The following DCC variants were observed in gnomAD, a reference collection of about 807,000 sequenced individuals.
DCC encodes the protein DCC netrin 1 receptor.
Under a neutral mutation model 172.5 loss-of-function variants are expected in DCC, and 58 were observed. That is an observed-to-expected ratio of 0.34 (90% confidence interval 0.27 to 0.42). The LOEUF is 0.42. DCC is among the 10% of genes least tolerant of loss of function. DCC has a pLI of 1.00. For missense variants in DCC, 1,740 were observed against 1,791.0 expected, an observed-to-expected ratio of 0.97 and a Z score of 0.51; for synonymous variants, 709 against 644.5, an observed-to-expected ratio of 1.10 and a Z score of -1.52.
intron 3 of DCC, among the ~76,000 whole-genome samples, chr18:52,920,825 G>C (rs531624555): frequency 6.6e-6 from 1 of 152,102 alleles, no homozygotes; most frequent in East Asian, 1.9e-4. Context: ...CTAGACAATG[G>C]ATTATTACCC....
At chr18:52,464,281 T>C (rs1358089966) in intron 1 of DCC, among the ~76,000 whole-genome samples, 1 of 152,146 alleles carries the variant, frequency 6.6e-6, no homozygotes, top group Non-Finnish European at 1.5e-5. Flanking sequence ...CAGTGGGTAA[T>C]TTATCAAAAG....
chr18:53,226,674 A>G (rs1014325106), intron 12 of DCC, among the ~76,000 whole-genome samples: 1 of 151,882 alleles, frequency 6.6e-6, no homozygotes, highest in Non-Finnish European at 1.5e-5. Context: ...CTCATCCCTC[A>G]AGGGTTGTTG....
intron 15 of DCC, among the ~76,000 whole-genome samples, chr18:53,372,300 T>A (rs1037836808): frequency 6.6e-6 from 1 of 151,906 alleles, no homozygotes; most frequent in Non-Finnish European, 1.5e-5. Flanking sequence ...AAAAGAATGA[T>A]ATGGCCTTTG....
At chr18:52,663,761 CA>C (rs2035408427) in intron 1 of DCC, among the ~76,000 whole-genome samples, 1 of 152,016 alleles carries the variant, frequency 6.6e-6, no homozygotes, top group Admixed American at 6.5e-5. Flanking sequence ...AGTCATTTAA[CA>C]ATGTTAAAGT....
intron 23 of DCC, among the ~76,000 whole-genome samples, chr18:53,454,033 A>G (rs1230335323): frequency 1.3e-5 from 2 of 152,192 alleles, no homozygotes; most frequent in South Asian, 2.1e-4. Flanking sequence ...AGATTATCGT[A>G]TGACATCTAA....
intron 1 of DCC, among the ~76,000 whole-genome samples, chr18:52,542,797 C>A (rs907724282): frequency 6.6e-6 from 1 of 151,972 alleles, no homozygotes; most frequent in Non-Finnish European, 1.5e-5. Flanking sequence ...TGAGATAGTG[C>A]CATTGCACTC....
At chr18:53,261,401 G>T (rs948833837) in intron 12 of DCC, among the ~76,000 whole-genome samples, 3 of 152,216 alleles carry the variant, frequency 2.0e-5, no homozygotes, top group African/African-American at 7.2e-5. Context: ...TCAGGGGAGA[G>T]AAATGCTGTC....
At chr18:52,465,303 G>T (rs1988753887) in intron 1 of DCC, among the ~76,000 whole-genome samples, 1 of 152,326 alleles carries the variant, frequency 6.6e-6, no homozygotes. Context: ...GGTTACCAAA[G>T]ATTGGGGAAC....
At chr18:52,532,485 A>T (rs2032179138) in intron 1 of DCC, among the ~76,000 whole-genome samples, 1 of 152,180 alleles carries the variant, frequency 6.6e-6, no homozygotes, top group African/African-American at 2.4e-5. Flanking sequence ...TTTGGATTCA[A>T]ATGATCTTTC....
intron 7 of DCC, among the ~76,000 whole-genome samples, chr18:53,130,897 C>T (rs1364995159): frequency 6.6e-6 from 1 of 151,902 alleles, no homozygotes; most frequent in East Asian, 1.9e-4. Context: ...AATGTGTTTC[C>T]AAGTTTTAAT....
intron 1 of DCC, among the ~76,000 whole-genome samples, chr18:52,442,538 C>A (rs1305371122): frequency 1.3e-5 from 2 of 152,144 alleles, no homozygotes; most frequent in Non-Finnish European, 2.9e-5. Context: ...GGCACCAGGA[C>A]ATACAAAATG....
chr18:53,286,502 T>G (rs2056937369), intron 12 of DCC, among the ~76,000 whole-genome samples: 1 of 152,170 alleles, frequency 6.6e-6, no homozygotes, highest in Non-Finnish European at 1.5e-5. Flanking sequence ...ACCTCTTTCT[T>G]TTGTAAATTG....
At chr18:52,635,854 G>T (rs1488276373) in intron 1 of DCC, among the ~76,000 whole-genome samples, 1 of 152,142 alleles carries the variant, frequency 6.6e-6, no homozygotes, top group Non-Finnish European at 1.5e-5. Flanking sequence ...CGGGAGCCAG[G>T]ACTAGAATGC....
chr18:52,986,732 A>G (rs934879015), intron 5 of DCC, among the ~76,000 whole-genome samples: 2 of 152,100 alleles, frequency 1.3e-5, no homozygotes, highest in African/African-American at 4.8e-5. Context: ...ATATATACAC[A>G]CACACATATA....
intron 2 of DCC, among the ~76,000 whole-genome samples, chr18:52,894,274 T>C (rs757410945): frequency 6.6e-6 from 1 of 152,060 alleles, no homozygotes; most frequent in South Asian, 2.1e-4. Flanking sequence ...CTATGAACTC[T>C]TTGAGGAAAG....
intron 1 of DCC, among the ~76,000 whole-genome samples, chr18:52,485,899 T>C (rs994845834): frequency 6.6e-6 from 1 of 152,156 alleles, no homozygotes; most frequent in East Asian, 1.9e-4. Context: ...TTTTAGATCA[T>C]AAATATCATA....
At chr18:53,232,524 G>T (rs1420433120) in intron 12 of DCC, among the ~76,000 whole-genome samples, 1 of 152,128 alleles carries the variant, frequency 6.6e-6, no homozygotes, top group Non-Finnish European at 1.5e-5. Flanking sequence ...GGCTCTGTCT[G>T]ACTCACATGC....
intron 14 of DCC, among the ~76,000 whole-genome samples, chr18:53,335,884 T>C (rs750785164): frequency 1.3e-5 from 2 of 152,092 alleles, no homozygotes; most frequent in Non-Finnish European, 2.9e-5. Flanking sequence ...AGAGAACTTG[T>C]GCAGGGAAAG....
intron 26 of DCC, among the ~76,000 whole-genome samples, chr18:53,488,856 C>A (rs1202250544): frequency 1.3e-5 from 2 of 152,046 alleles, no homozygotes; most frequent in African/African-American, 4.8e-5. Flanking sequence ...AAAATAAAAT[C>A]TATTAGAAAT....
Sources: gnomAD v4.1 joint callset for allele counts (sites outside exome capture counted in the v4.1 genomes callset) on GRCh38, gnomAD v4.1.1 for gene constraint, MANE v1.5 for transcripts, NCBI Gene and HGNC (gene_info 2026-07-23, HGNC 2026-07-21) for gene names.